NELL1: variants seen among roughly 807,000 people sequenced by gnomAD.
The protein encoded by NELL1 is protein kinase C-binding protein NELL1.
Under a neutral mutation model 107.4 loss-of-function variants are expected in NELL1, and 76 were observed. The ratio of observed to expected loss-of-function variants is 0.71; its 90% CI spans 0.59 to 0.86. The LOEUF (loss-of-function observed/expected upper bound fraction) is 0.86, where lower values mean the gene tolerates loss of function less well. Among genes scored for constraint, NELL1 ranks in the 40% least tolerant of loss-of-function variants. NELL1 has a pLI of 0.00. For synonymous variants in NELL1, 353 were observed against 341.2 expected, an observed-to-expected ratio of 1.03 and a Z score of -0.38; for missense variants, 1,024 against 1,005.5, an observed-to-expected ratio of 1.02 and a Z score of -0.25.
intron 13 of NELL1, among the ~76,000 whole-genome samples, chr11:21,173,616 G>T (rs977775923): frequency 2.6e-5 from 4 of 151,810 alleles, no homozygotes; most frequent in Non-Finnish European, 5.9e-5. Flanking sequence ...GAAATGATAG[G>T]ACACAATCTC....
At chr11:20,731,924 A>G (rs546048114) in intron 2 of NELL1, among the ~76,000 whole-genome samples, 2 of 152,264 alleles carry the variant, frequency 1.3e-5, no homozygotes, top group Non-Finnish European at 2.9e-5. Context: ...CAGCTGTCTT[A>G]GAAGACTCTC....
At chr11:21,355,589 C>A (rs1421109861) in intron 14 of NELL1, among the ~76,000 whole-genome samples, 2 of 152,132 alleles carry the variant, frequency 1.3e-5, no homozygotes, top group African/African-American at 4.8e-5. Flanking sequence ...TTTTACTAAG[C>A]CAAAGGCTGT....
chr11:21,495,338 T>C (rs542820187), intron 15 of NELL1, among the ~76,000 whole-genome samples: 1 of 152,300 alleles, frequency 6.6e-6, no homozygotes, highest in African/African-American at 2.4e-5. Flanking sequence ...TATCAGTACC[T>C]GATTCCTTTT....
At chr11:20,739,742 T>A (rs1271463046) in intron 2 of NELL1, among the ~76,000 whole-genome samples, 1 of 152,178 alleles carries the variant, frequency 6.6e-6, no homozygotes, top group Admixed American at 6.5e-5. Context: ...CAAAGTGACC[T>A]CTTCTCACTT....
chr11:21,505,663 G>C (rs1855261333), intron 15 of NELL1, among the ~76,000 whole-genome samples: 1 of 152,100 alleles, frequency 6.6e-6, no homozygotes, highest in Non-Finnish European at 1.5e-5. Flanking sequence ...AATTCGACTT[G>C]CTTTTCAAGG....
rs75456061 is a variant in NELL1 at position 21,496,831 on chromosome 11, C to T, written c.1646-37543C>T. Among the ~76,000 whole-genome samples the T allele has an allele frequency of 0.013, 2,050 of 152,074 alleles. 149 individuals carry two copies. In the East Asian group the frequency reaches 0.23, roughly 17 times the overall value. On this transcript the variant is annotated intron_variant, in intron 15 of 19. Coordinates refer to ENST00000357134, the MANE Select transcript of NELL1 (RefSeq NM_006157.5). ...GAAGTAAACCATTCCTGTGTCTAAG[C>T]GTTCTCATTGTTCAATTCCCACCTA...
intron 13 of NELL1, among the ~76,000 whole-genome samples, chr11:21,190,181 T>C (rs975166307): frequency 6.6e-6 from 1 of 151,676 alleles, no homozygotes; most frequent in Non-Finnish European, 1.5e-5. Context: ...GGCGAAATCC[T>C]GTCTCGTCTA....
chr11:20,922,456 TGTAACTCACTTTTTTGGCAG>T (rs1850400261), intron 7 of NELL1, among the ~76,000 whole-genome samples: 1 of 152,088 alleles, frequency 6.6e-6, no homozygotes, highest in Admixed American at 6.6e-5. Flanking sequence ...GAGGCGAAAA[TGTAACTCACTTTTTTGGCAG>T]GTGGAAGGAG....
intron 3 of NELL1, among the ~76,000 whole-genome samples, chr11:20,841,588 T>G (rs973062103): frequency 2.6e-5 from 4 of 152,166 alleles, no homozygotes; most frequent in African/African-American, 9.6e-5. Flanking sequence ...AATTTAGACC[T>G]GAGCTGGACT....
intron 3 of NELL1, among the ~76,000 whole-genome samples, chr11:20,794,791 C>G (rs1353732067): frequency 1.3e-5 from 2 of 152,066 alleles, no homozygotes; most frequent in African/African-American, 4.8e-5. Flanking sequence ...CACACCACCC[C>G]CAGTTCGGTG....
At chr11:21,471,405 G>A (rs1854178083) in intron 15 of NELL1, among the ~76,000 whole-genome samples, 1 of 151,986 alleles carries the variant, frequency 6.6e-6, no homozygotes, top group Admixed American at 6.6e-5. Flanking sequence ...GTTCTTTTCT[G>A]ATTCATCCTA....
At chr11:20,683,052 A>G (rs1854227406) in intron 2 of NELL1, among the ~76,000 whole-genome samples, 1 of 152,026 alleles carries the variant, frequency 6.6e-6, no homozygotes, top group Admixed American at 6.6e-5. Context: ...ATTTAAATCT[A>G]TCTTCTCGTG....
At chr11:21,186,369 G>A (rs953026631) in intron 13 of NELL1, among the ~76,000 whole-genome samples, 9 of 151,864 alleles carry the variant, frequency 5.9e-5, no homozygotes, top group African/African-American at 2.2e-4. Context: ...GTCAGTGACA[G>A]TGAGTATATG....
intron 15 of NELL1, among the ~76,000 whole-genome samples, chr11:21,427,169 CTA>C (rs1852843608): frequency 6.6e-6 from 1 of 152,172 alleles, no homozygotes; most frequent in South Asian, 2.1e-4. Context: ...TTTCATGTCG[CTA>C]TGTCTCATCA....
intron 4 of NELL1, among the ~76,000 whole-genome samples, chr11:20,857,789 C>T (rs539149885): frequency 7.2e-5 from 11 of 152,276 alleles, no homozygotes; most frequent in South Asian, 2.1e-4. Context: ...ACAAGCCCTA[C>T]GGGTAGTTAG....
intron 5 of NELL1, among the ~76,000 whole-genome samples, chr11:20,895,423 C>T (rs990921980): frequency 5.3e-5 from 8 of 150,630 alleles, no homozygotes; most frequent in African/African-American, 1.9e-4. Flanking sequence ...ATCTGTCTTT[C>T]CGCTCTCTAT....
chr11:20,848,421 A>G (rs1848739356), intron 4 of NELL1, among the ~76,000 whole-genome samples: 1 of 152,076 alleles, frequency 6.6e-6, no homozygotes, highest in African/African-American at 2.4e-5. Context: ...TTGAAGAATG[A>G]GGGAGTCCAT....
intron 15 of NELL1, among the ~76,000 whole-genome samples, chr11:21,478,694 A>T (rs1417655691): frequency 8.4e-5 from 6 of 71,572 alleles, no homozygotes; most frequent in African/African-American, 3.4e-4. Context: ...ACACCAAGTT[A>T]AAAAAAAAAA....
At chr11:20,956,377 T>G (rs921014049) in intron 11 of NELL1, among the ~76,000 whole-genome samples, 1 of 152,140 alleles carries the variant, frequency 6.6e-6, no homozygotes, top group African/African-American at 2.4e-5. Flanking sequence ...CTGGGTGCGG[T>G]GGCTCACGCC....
Sources: allele counts gnomAD v4.1 joint callset (sites outside exome capture counted in the v4.1 genomes callset), GRCh38; gene constraint gnomAD v4.1.1; transcripts MANE v1.5; gene names NCBI Gene and HGNC (gene_info 2026-07-23, HGNC 2026-07-21).